Variants in AHCTF1 observed in about 807,000 individuals in gnomAD.
The protein encoded by AHCTF1 is protein ELYS.
AHCTF1 carries 24 observed loss-of-function variants against 248.4 expected under a neutral mutation model. That is an observed-to-expected ratio of 0.10 (90% CI 0.07 to 0.14). The LOEUF (loss-of-function observed/expected upper bound fraction) is 0.14, where lower values mean the gene tolerates loss of function less well. Among genes scored for constraint, AHCTF1 ranks in the 10% least tolerant of loss-of-function variants. The probability of loss-of-function intolerance (pLI) is 1.00; values close to 1 mark genes in which losing one functional copy is unlikely to be tolerated. For synonymous variants in AHCTF1, 786 were observed against 929.8 expected (o/e 0.85, Z 2.81); for missense variants, 2,206 against 2,636.2 (o/e 0.84, Z 3.57).
intron 4 of AHCTF1, among the ~76,000 whole-genome samples, chr1:246,911,953 A>G (rs1395908010): frequency 6.7e-6 from 1 of 150,100 alleles, no homozygotes; most frequent in African/African-American, 2.5e-5. Flanking sequence ...GTTTTCTTTG[A>G]GATGGATTCT....
At chr1:246,881,389 A>G (rs1359833033) in intron 21 of AHCTF1, among the ~76,000 whole-genome samples, 1 of 152,238 alleles carries the variant, frequency 6.6e-6, no homozygotes, top group African/African-American at 2.4e-5. Context: ...ACTAGGAAAA[A>G]AAATTATTCA....
At chr1:246,918,494 C>G (rs1666300974) in intron 1 of AHCTF1, 117 bp from the exon 2 acceptor site, 1 of 1,073,332 alleles carries the variant, frequency 9.3e-7, no homozygotes, top group Non-Finnish European at 1.3e-6. Context: ...AAACTAAAAT[C>G]TGGTTACAAA....
At chr1:246,841,955 A>ATTTTTTTTTTT (rs1211083487) in intron 35 of AHCTF1, among the ~76,000 whole-genome samples, 1 of 124,294 alleles carries the variant, frequency 8.0e-6, no homozygotes, top group Non-Finnish European at 1.7e-5. Flanking sequence ...CGCCCAGCTA[A>ATTTTTTTTTTT]TTTTTTTTTT....
intron 24 of AHCTF1, among the ~76,000 whole-genome samples, chr1:246,869,537 G>A (rs1478401017): frequency 1.3e-5 from 2 of 152,274 alleles, no homozygotes; most frequent in Middle Eastern, 3.4e-3. Context: ...AGTGGTTAAT[G>A]TAGCTGATGA....
At chr1:246,853,539 ATGACGACCAACT>A (rs1469518360) in intron 31 of AHCTF1, among the ~76,000 whole-genome samples, 5 of 152,248 alleles carry the variant, frequency 3.3e-5, no homozygotes, top group Admixed American at 6.5e-5. Flanking sequence ...AAACATTAAT[ATGACGACCAACT>A]GCTTCAAGGA....
chr1:246,908,230 C>G (rs1471242203), intron 4 of AHCTF1, among the ~76,000 whole-genome samples: 1 of 149,986 alleles, frequency 6.7e-6, no homozygotes, highest in Non-Finnish European at 1.5e-5. Flanking sequence ...TGAAGGGGCT[C>G]TCATTACCAA....
intron 35 of AHCTF1, among the ~76,000 whole-genome samples, chr1:246,841,843 G>A (rs1277233943): frequency 3.3e-5 from 5 of 152,026 alleles, no homozygotes; most frequent in African/African-American, 1.2e-4. Flanking sequence ...CCAGGCTGGA[G>A]TGCAGTGGCG....
intron 28 of AHCTF1, 36 bp downstream of exon 28, chr1:246,861,923 A>G: frequency 6.5e-7 from 1 of 1,550,144 alleles, no homozygotes; most frequent in Non-Finnish European, 8.8e-7. Flanking sequence ...ATTCTTATTA[A>G]AAAATGTCTT....
At chr1:246,863,179 T>A (rs1661702084) in intron 27 of AHCTF1, among the ~76,000 whole-genome samples, 1 of 152,206 alleles carries the variant, frequency 6.6e-6, no homozygotes, top group South Asian at 2.1e-4. Flanking sequence ...CAACTTATTT[T>A]AATAAGTATT....
chr1:246,881,524 A>G (rs1040433432), intron 21 of AHCTF1, among the ~76,000 whole-genome samples: 2 of 152,274 alleles, frequency 1.3e-5, no homozygotes, highest in Admixed American at 1.3e-4. Flanking sequence ...AAGTCTTACC[A>G]AAAAAATTTT....
At chr1:246,845,541 A>G (rs1427186357) in intron 33 of AHCTF1, among the ~76,000 whole-genome samples, 2 of 152,334 alleles carry the variant, frequency 1.3e-5, no homozygotes, top group African/African-American at 2.4e-5. Context: ...ACTCTCTTCT[A>G]GGCTACCTGA....
At chr1:246,905,020 CAAGT>C (rs1009245647) in intron 6 of AHCTF1, among the ~76,000 whole-genome samples, 1 of 152,212 alleles carries the variant, frequency 6.6e-6, no homozygotes, top group African/African-American at 2.4e-5. Context: ...GAAAAACATT[CAAGT>C]AAGTCCGCAC....
In AHCTF1 at chr1:246,850,194, C is replaced by T. The variant is rs1660598844; in HGVS notation, c.5812G>A (p.Val1938Ile). 6.2e-7 allele frequency: 1 copy of T among 1,613,798 alleles called. No individual in the cohort carries two copies. The highest frequency in any genetic ancestry group is 8.5e-7 in the Non-Finnish European group (1 of 1,179,852). ...GATGGACTAACTTCTCTCCCTCTGA[C>T]CCTTCTAACATGTTTAATACGCAGC... is the stretch of plus-strand genomic sequence containing the variant. ...KQLRIKHVRR[V>I]RGREVSPSDV... The change falls in exon 33 of 36, where the codon GTC (valine) becomes ATC (isoleucine). Residue 1938 changes from valine (V) to isoleucine (I), a missense_variant. By Grantham distance (29) the Val-to-Ile change is conservative. Transcript: ENST00000648844.
intron 24 of AHCTF1, among the ~76,000 whole-genome samples, chr1:246,869,031 A>C (rs977437900): frequency 1.3e-5 from 2 of 151,352 alleles, no homozygotes; most frequent in Non-Finnish European, 2.9e-5. Flanking sequence ...TTTTTAGTAG[A>C]GACGGGGTTT....
chr1:246,853,812 G>C (rs1660897834), intron 31 of AHCTF1, among the ~76,000 whole-genome samples: 1 of 149,384 alleles, frequency 6.7e-6, no homozygotes, highest in Admixed American at 6.6e-5. Context: ...AAAAATAAAA[G>C]ATGAACTAGG....
chr1:246,843,929 C>CA lies in AHCTF1; in HGVS notation c.6392-2_6392-1insT, dbSNP rs1281912402. ...TGTGCAGGAACCTCTATTTTTTTAGCTAAAAAAAGTTGAAAAAACTGTATC... is the reference window on the plus strand; with the variant it reads ...TGTGCAGGAACCTCTATTTTTTTAGCATAAAAAAAGTTGAAAAAACTGTATC... On this transcript the variant is annotated splice_acceptor_variant, in intron 33 of 35. Coordinates refer to ENST00000648844, the MANE Select transcript of AHCTF1 (RefSeq NM_001323342.2). LOFTEE classifies it high-confidence loss of function. 3 of 1,435,466 alleles carry CA rather than the reference C, an allele frequency of 2.1e-6. No individual in the cohort carries two copies. The highest frequency in any genetic ancestry group is 2.8e-6 in the Non-Finnish European group (3 of 1,090,820). 88.9% of individuals were successfully genotyped at this position (1,435,466 alleles called of 1,614,324 possible). A position where few individuals can be genotyped will look rare whatever the true frequency, so the allele number is the denominator to read the frequency against.
intron 15 of AHCTF1, among the ~76,000 whole-genome samples, chr1:246,891,441 CTTGT>C (rs1183229507): frequency 6.6e-6 from 1 of 152,086 alleles, no homozygotes; most frequent in Non-Finnish European, 1.5e-5. Context: ...ATGAAATTGG[CTTGT>C]TTTTGTTTTG....
intron 27 of AHCTF1, among the ~76,000 whole-genome samples, chr1:246,863,643 AAAC>A (rs1246406442): frequency 1.3e-5 from 2 of 152,220 alleles, no homozygotes; most frequent in East Asian, 3.8e-4. Context: ...AATGAAATAA[AAAC>A]AAACTCAAGA....
chr1:246,886,664 G>A (rs541026001), intron 20 of AHCTF1, among the ~76,000 whole-genome samples: 14 of 152,248 alleles, frequency 9.2e-5, no homozygotes, highest in South Asian at 2.1e-4. Context: ...ACAGAGGGCC[G>A]ATGGTATACA....
Sources: gnomAD v4.1 joint callset for allele counts (sites outside exome capture counted in the v4.1 genomes callset) on GRCh38, gnomAD v4.1.1 for gene constraint, MANE v1.5 for transcripts, NCBI Gene and HGNC (gene_info 2026-07-23, HGNC 2026-07-21) for gene names.